The following CRIPT variants were observed in gnomAD, a reference collection of about 807,000 sequenced individuals.
The protein encoded by CRIPT is cysteine-rich PDZ-binding protein.
CRIPT carries 20 observed loss-of-function variants against 16.6 expected under a neutral mutation model. The ratio of observed to expected loss-of-function variants is 1.20; its 90% CI spans 0.85 to 1.75. The LOEUF (loss-of-function observed/expected upper bound fraction) is 1.75. Ranked by LOEUF, CRIPT falls within the 40% of genes most tolerant of loss-of-function variation. CRIPT has a pLI of 0.00. For missense variants in CRIPT, 133 were observed against 115.3 expected (o/e 1.15, Z -0.70); for synonymous variants, 42 against 37.0 (o/e 1.14, Z -0.49).
At position 46,627,597 on chromosome 2, in the gene CRIPT, A is replaced by C. The variant is rs1670970747; in HGVS notation, c.*3370A>C. Reference sequence around the variant, plus strand: ...CTAACTGGGATTACAGGCACATGCCACCACGCCTGGCTAATTTTTCTATTT... The same window carrying C: ...CTAACTGGGATTACAGGCACATGCCCCCACGCCTGGCTAATTTTTCTATTT... On this transcript the variant is annotated 3_prime_UTR_variant, in exon 5 of 5. Coordinates refer to ENST00000238892, the MANE Select transcript of CRIPT (RefSeq NM_014171.6). Among the ~76,000 whole-genome samples the C allele has an allele frequency of 6.6e-6, 1 of 152,004 alleles. No individual in the cohort carries two copies. Among genetic ancestry groups the C allele is most frequent in the South Asian group, 2.1e-4 (1 of 4,812 alleles).
chr2:46,627,197 T>C lies in CRIPT; in HGVS notation c.*2970T>C, dbSNP rs1403543514. 2.0e-5 allele frequency among the ~76,000 whole-genome samples: 3 copies of C among 152,192 alleles called. No homozygotes were observed. Among genetic ancestry groups the C allele is most frequent in the Non-Finnish European group, 4.4e-5 (3 of 68,038 alleles). On this transcript the variant is annotated 3_prime_UTR_variant, in exon 5 of 5. Coordinates refer to ENST00000238892, the MANE Select transcript of CRIPT (RefSeq NM_014171.6). ...CCTTATAGATTTTGGACATTAGACCTTTTTCAGATGCACAGTTTGTGAATA... is the reference window on the plus strand; with the variant it reads ...CCTTATAGATTTTGGACATTAGACCCTTTTCAGATGCACAGTTTGTGAATA...
Position 46,627,268 on chromosome 2 carries a change from C to A in CRIPT, c.*3041C>A, listed in dbSNP as rs908110590. On this transcript the variant is annotated 3_prime_UTR_variant, in exon 5 of 5. Transcript: ENST00000238892. ...TGTCTGTTTACTGTATTGATAGTTC[C>A]TTTTGCGGTGCAGAAGCTCTTTAGT... Among the ~76,000 whole-genome samples, 1 of 152,052 alleles carries A rather than the reference C, an allele frequency of 6.6e-6. No homozygotes were observed. The highest frequency in any genetic ancestry group is 2.4e-5 in the African/African-American group (1 of 41,400).
intron 3 of CRIPT, among the ~76,000 whole-genome samples, chr2:46,622,092 G>A (rs758849507): frequency 2.0e-5 from 3 of 152,178 alleles, no homozygotes; most frequent in Non-Finnish European, 2.9e-5. Context: ...AGGTTAGGCC[G>A]GGTGCGGTGG....
Position 46,627,602 on chromosome 2 carries a change from GC to G in CRIPT, c.*3377del, listed in dbSNP as rs1670971073. ...TGGGATTACAGGCACATGCCACCAC[GC>G]CTGGCTAATTTTTCTATTTTTAGTA... On this transcript the variant is annotated 3_prime_UTR_variant, in exon 5 of 5. Coordinates refer to ENST00000238892, the MANE Select transcript of CRIPT (RefSeq NM_014171.6). 1.3e-5 allele frequency among the ~76,000 whole-genome samples: 2 copies of G among 151,744 alleles called. No individual in the cohort carries two copies. Among genetic ancestry groups the G allele is most frequent in the South Asian group, 4.2e-4 (2 of 4,798 alleles).
In CRIPT at chr2:46,627,660, G is replaced by T. The variant is rs1670972215; in HGVS notation, c.*3433G>T. On this transcript the variant is annotated 3_prime_UTR_variant, in exon 5 of 5. Transcript: ENST00000238892. The stretch of plus-strand genomic sequence containing the variant: ...GGGTTTTACCATGTTGGCCAGGCTG[G>T]TCTTGAATTCCGAGCCTCAAGTGAT... 6.6e-6 allele frequency among the ~76,000 whole-genome samples: 1 copy of T among 152,034 alleles called. No individual in the cohort carries two copies. The highest frequency in any genetic ancestry group is 1.5e-5 in the Non-Finnish European group (1 of 67,992).
At chr2:46,622,799 T>C (rs1670843929) in intron 3 of CRIPT, among the ~76,000 whole-genome samples, 1 of 151,182 alleles carries the variant, frequency 6.6e-6, no homozygotes, top group Non-Finnish European at 1.5e-5. Context: ...GGCGATAGAG[T>C]GAGATTCAGT....
At position 46,623,755 on chromosome 2, in the gene CRIPT, A is replaced by G; in HGVS notation, c.138-9A>G. ...TATACAATTTTCTCTCTTTAAAAAA[A>G]ATTTCTAGATTTGATCCATATGGAA... On this transcript the variant is annotated splice_polypyrimidine_tract_variant and intron_variant, in intron 3 of 4. Coordinates refer to ENST00000238892, the MANE Select transcript of CRIPT (RefSeq NM_014171.6). 1 of 1,555,466 alleles carries G rather than the reference A, an allele frequency of 6.4e-7. No homozygotes were observed. Among genetic ancestry groups the G allele is most frequent in the Non-Finnish European group, 8.8e-7 (1 of 1,134,874 alleles).
In CRIPT at chr2:46,624,181, G is replaced by GA; in HGVS notation, c.266dup (p.Val90GlyfsTer23). 6.3e-7 allele frequency: 1 copy of GA among 1,581,942 alleles called. No individual in the cohort carries two copies. Among genetic ancestry groups the GA allele is most frequent in the Non-Finnish European group, 8.6e-7 (1 of 1,160,696 alleles). On this transcript the variant is annotated frameshift_variant, in exon 5 of 5. Coordinates refer to ENST00000238892, the MANE Select transcript of CRIPT (RefSeq NM_014171.6). LOFTEE classifies it high-confidence loss of function. ...GTTTCAGGCATCTGTGCGATGTGTGGAAAAAAGGTTTTGGATACCAAAAAC... is the reference window on the plus strand; with the variant it reads ...GTTTCAGGCATCTGTGCGATGTGTGGAAAAAAAGGTTTTGGATACCAAAAAC...
At chr2:46,621,805 T>G (rs1329256676) in intron 3 of CRIPT, among the ~76,000 whole-genome samples, 1 of 152,244 alleles carries the variant, frequency 6.6e-6, no homozygotes, top group African/African-American at 2.4e-5. Flanking sequence ...TTAATGCAGA[T>G]TCACACTATA....
At chr2:46,622,395 GGTTACAAT>G (rs974715414) in intron 3 of CRIPT, among the ~76,000 whole-genome samples, 1 of 151,408 alleles carries the variant, frequency 6.6e-6, no homozygotes, top group African/African-American at 2.4e-5. Flanking sequence ...AGATTTCCAA[GGTTACAAT>G]GTGTATTTTT....
At position 46,624,275 on chromosome 2, in the gene CRIPT, T is replaced by A; in HGVS notation, c.*48T>A. The A allele has an allele frequency of 7.5e-7, 1 of 1,341,090 alleles. No individual in the cohort carries two copies. The highest frequency in any genetic ancestry group is 2.5e-5 in the East Asian group (1 of 39,732). 83.1% of individuals were successfully genotyped at this position (1,341,090 alleles called of 1,614,324 possible). On this transcript the variant is annotated 3_prime_UTR_variant, in exon 5 of 5. Transcript: ENST00000238892. ...TTTCTAAATGATTTTACTTTCTGCCTTGAATTTTCAAGGCATAGATGTCAA... is the reference window on the plus strand; with the variant it reads ...TTTCTAAATGATTTTACTTTCTGCCATGAATTTTCAAGGCATAGATGTCAA...
chr2:46,620,325 T>C (rs6544904), intron 3 of CRIPT, among the ~76,000 whole-genome samples: 24,363 of 151,978 alleles, frequency 0.16, 3,117 homozygotes, highest in African/African-American at 0.35. Context: ...CACGCGCCTG[T>C]AGTCCCAGCT....
rs1378129855 is a variant in CRIPT, at chr2:46,625,041, A to G, written c.*814A>G. On this transcript the variant is annotated 3_prime_UTR_variant, in exon 5 of 5. Coordinates refer to ENST00000238892, the MANE Select transcript of CRIPT (RefSeq NM_014171.6). Reference sequence around the variant, plus strand: ...CCTAAAAGAAATAAATAGAGCAAACATCTTGACTCTCCCTTTTTAAAATTT... The same window carrying G: ...CCTAAAAGAAATAAATAGAGCAAACGTCTTGACTCTCCCTTTTTAAAATTT... 7.2e-6 allele frequency: 1 copy of G among 139,784 alleles called. No individual in the cohort carries two copies. Among genetic ancestry groups the G allele is most frequent in the South Asian group, 2.3e-4 (1 of 4,344 alleles). 8.7% of individuals were successfully genotyped at this position (139,784 alleles called of 1,614,324 possible).
In CRIPT at chr2:46,629,955, T is replaced by G. The variant is rs150645865; in HGVS notation, c.*5728T>G. Reference sequence around the variant, plus strand: ...GTGATTGTTCTAACTCTATTATTATTTCTGTATTAATTAGTCATCATTCTA... The same window carrying G: ...GTGATTGTTCTAACTCTATTATTATGTCTGTATTAATTAGTCATCATTCTA... On this transcript the variant is annotated 3_prime_UTR_variant, in exon 5 of 5. Transcript: ENST00000238892. 1.1e-3 allele frequency among the ~76,000 whole-genome samples: 163 copies of G among 152,302 alleles called. No individual in the cohort carries two copies. In the East Asian group the frequency reaches 0.021, roughly 19 times the overall value.
intron 1 of CRIPT, 101 bp from the exon 2 acceptor site, chr2:46,618,672 A>G: frequency 1.5e-6 from 1 of 658,466 alleles, no homozygotes; most frequent in Non-Finnish European, 2.6e-6. Flanking sequence ...CTCCTACGGT[A>G]ATACCATTGA....
chr2:46,621,135 C>T (rs193084683), intron 3 of CRIPT, among the ~76,000 whole-genome samples: 9 of 152,304 alleles, frequency 5.9e-5, no homozygotes, highest in East Asian at 1.9e-4. Flanking sequence ...CTCATAGTAA[C>T]GAGAGTGATC....
intron 3 of CRIPT, among the ~76,000 whole-genome samples, chr2:46,622,674 G>A (rs1270613563): frequency 2.6e-5 from 4 of 152,016 alleles, no homozygotes; most frequent in South Asian, 2.1e-4. Context: ...TTAGCCGGGC[G>A]TGGTAGCGCA....
rs1671008705 is a variant in CRIPT at position 46,628,929 on chromosome 2, C to A, written c.*4702C>A. Among the ~76,000 whole-genome samples the A allele has an allele frequency of 6.6e-6, 1 of 151,994 alleles. No individual in the cohort carries two copies. Among genetic ancestry groups the A allele is most frequent in the African/African-American group, 2.4e-5 (1 of 41,344 alleles). On this transcript the variant is annotated 3_prime_UTR_variant, in exon 5 of 5. Transcript: ENST00000238892. ...AAAGTTTAAAAACAAGGAATTAAAG[C>A]CAAACCTAACTTTTATCAAAATAAA...
In CRIPT at chr2:46,625,868, T is replaced by A. The variant is rs1670925576; in HGVS notation, c.*1641T>A. 6.6e-6 allele frequency: 1 copy of A among 152,178 alleles called. No individual in the cohort carries two copies. The highest frequency in any genetic ancestry group is 2.1e-4 in the South Asian group (1 of 4,830). 9.4% of individuals were successfully genotyped at this position (152,178 alleles called of 1,614,324 possible). On this transcript the variant is annotated 3_prime_UTR_variant, in exon 5 of 5. Coordinates refer to ENST00000238892, the MANE Select transcript of CRIPT (RefSeq NM_014171.6). The stretch of plus-strand genomic sequence containing the variant: ...TTGGATTCATTGACTTGGAGAAAAG[T>A]ACATTTCTCAGGGATCAGCTAGAAT...
Sources: gnomAD v4.1 joint callset for allele counts (sites outside exome capture counted in the v4.1 genomes callset) on GRCh38, gnomAD v4.1.1 for gene constraint, MANE v1.5 for transcripts, NCBI Gene and HGNC (gene_info 2026-07-23, HGNC 2026-07-21) for gene names.